The following RPAP2 variants were observed in gnomAD, a reference collection of about 807,000 sequenced individuals.
RPAP2 encodes RNA polymerase II associated protein 2.
In RPAP2, 52 loss-of-function variants were observed where a neutral mutation model predicts 73.1. The ratio of observed to expected loss-of-function variants is 0.71; its 90% CI spans 0.57 to 0.90. The LOEUF is 0.90. Ranked by LOEUF, RPAP2 falls within the 40% of genes least tolerant of loss-of-function variation. The pLI, the probability that RPAP2 is intolerant of heterozygous loss-of-function variation, is 0.00. For missense variants in RPAP2, 598 were observed against 701.8 expected, an observed-to-expected ratio of 0.85 and a Z score of 1.67; for synonymous variants, 225 against 242.1, an observed-to-expected ratio of 0.93 and a Z score of 0.65.
intron 12 of RPAP2, 38 bp from the exon 13 acceptor site, chr1:92,386,973 T>G: frequency 6.3e-7 from 1 of 1,575,408 alleles, no homozygotes; most frequent in Non-Finnish European, 8.7e-7. Context: ...GGCCTCCCAA[T>G]ACATGTTTTA....
At chr1:92,338,985 C>A (rs953588379) in intron 10 of RPAP2, among the ~76,000 whole-genome samples, 1 of 152,116 alleles carries the variant, frequency 6.6e-6, no homozygotes, top group African/African-American at 2.4e-5. Context: ...TCTGAGCAAA[C>A]CGATAAAGTT....
chr1:92,353,632 T>A (rs1035662398), intron 11 of RPAP2, among the ~76,000 whole-genome samples: 1 of 152,230 alleles, frequency 6.6e-6, no homozygotes, highest in African/African-American at 2.4e-5. Flanking sequence ...ATTTTTTGTT[T>A]CTTGCTTATA....
intron 6 of RPAP2, among the ~76,000 whole-genome samples, chr1:92,308,378 C>T (rs886934304): frequency 3.5e-4 from 54 of 152,280 alleles, no homozygotes; most frequent in African/African-American, 1.2e-3. Flanking sequence ...GCTAAGAGTA[C>T]TTTTTTACTT....
At chr1:92,386,370 A>AGTCTTG (rs1655863807) in intron 12 of RPAP2, among the ~76,000 whole-genome samples, 1 of 152,166 alleles carries the variant, frequency 6.6e-6, no homozygotes, top group African/African-American at 2.4e-5. Context: ...CCTTGGTGAG[A>AGTCTTG]GTCTTGAACT....
intron 9 of RPAP2, among the ~76,000 whole-genome samples, chr1:92,335,885 G>T (rs1653254265): frequency 6.6e-6 from 1 of 151,914 alleles, no homozygotes; most frequent in East Asian, 1.9e-4. Context: ...TTTTTTCATA[G>T]TAAAACTGTT....
In RPAP2 at chr1:92,345,379, TAAAAAAA is replaced by T. The variant is rs57025975; in HGVS notation, c.1620-451_1620-445del. Among the ~76,000 whole-genome samples, 291 of 73,760 alleles carry T rather than the reference TAAAAAAA, an allele frequency of 3.9e-3. 2 individuals carry two copies. Among genetic ancestry groups the T allele is most frequent in the South Asian group, 0.016 (26 of 1,582 alleles). 48.4% of individuals were successfully genotyped at this position (73,760 alleles called of 152,430 possible). A position where few individuals can be genotyped will look rare whatever the true frequency, so the allele number is the denominator to read the frequency against. ...GCAACATAGCAAGACCCCGTTTCTT[TAAAAAAA>T]AAAAAAAAAAAAAAAGAGAGAGAGA... On this transcript the variant is annotated intron_variant, in intron 10 of 12. Coordinates refer to ENST00000610020, the MANE Select transcript of RPAP2 (RefSeq NM_024813.3).
Position 92,336,402 on chromosome 1 carries a change from C to CTT in RPAP2, c.1595_1596dup (p.Lys533LeufsTer10). 1 of 1,608,824 alleles carries CTT rather than the reference C, an allele frequency of 6.2e-7. No homozygotes were observed. The highest frequency in any genetic ancestry group is 8.5e-7 in the Non-Finnish European group (1 of 1,176,004). On this transcript the variant is annotated frameshift_variant, in exon 10 of 13. Transcript: ENST00000610020. LOFTEE classifies it high-confidence loss of function. ...TACATTGGGAGATATTTACACACAA[C>CTT]TTAAAAATCTTGTTCGAACTTTCAG...
At chr1:92,375,959 C>T (rs1230753742) in intron 11 of RPAP2, among the ~76,000 whole-genome samples, 1 of 146,324 alleles carries the variant, frequency 6.8e-6, no homozygotes, top group African/African-American at 2.6e-5. Flanking sequence ...AAGATAGCGC[C>T]ATTGCACTCC....
rs1202528088 is a variant in RPAP2 at position 92,305,450 on chromosome 1, A to AAAAAAAAC, written c.399+1102_399+1103insAAAAAACA. Among the ~76,000 whole-genome samples, 21 of 141,908 alleles carry AAAAAAAAC rather than the reference A, an allele frequency of 1.5e-4. 1 individual carries two copies. Among genetic ancestry groups the AAAAAAAAC allele is most frequent in the African/African-American group, 6.2e-4 (21 of 33,834 alleles). The allele number at this position is 141,908 out of a possible 152,430, so 93.1% of individuals were successfully genotyped here. ...TCCGTCTCAAAAAAAAAAAAAAAAA[A>AAAAAAAAC]AGACAATATGGGAAGATATAAACTT... On this transcript the variant is annotated intron_variant, in intron 5 of 12. Transcript: ENST00000610020.
chr1:92,360,681 C>T (rs1405487084), intron 11 of RPAP2, among the ~76,000 whole-genome samples: 2 of 152,126 alleles, frequency 1.3e-5, no homozygotes, highest in African/African-American at 2.4e-5. Context: ...ATATCTGCAA[C>T]ATATTTCTCT....
At chr1:92,376,095 A>T (rs895926134) in intron 11 of RPAP2, among the ~76,000 whole-genome samples, 1 of 152,088 alleles carries the variant, frequency 6.6e-6, no homozygotes, top group African/African-American at 2.4e-5. Flanking sequence ...TTTTCCCCTT[A>T]AAAATACAGT....
chr1:92,398,487 G>GT lies in RPAP2; in HGVS notation c.*11477dup, dbSNP rs1246703538. 6.6e-6 allele frequency: 1 copy of GT among 152,160 alleles called. No individual in the cohort carries two copies. Among genetic ancestry groups the GT allele is most frequent in the African/African-American group, 2.4e-5 (1 of 41,432 alleles). The allele number at this position is 152,160 out of a possible 1,614,324, so 9.4% of individuals were successfully genotyped here. On this transcript the variant is annotated 3_prime_UTR_variant, in exon 13 of 13. Coordinates refer to ENST00000610020, the MANE Select transcript of RPAP2 (RefSeq NM_024813.3). ...CTCTAAAAAATTAACCTAGCCCAAGGTAAGTGGTACTATTCTGAAATCTGA... is the reference window on the plus strand; with the variant it reads ...CTCTAAAAAATTAACCTAGCCCAAGGTTAAGTGGTACTATTCTGAAATCTGA...
intron 11 of RPAP2, among the ~76,000 whole-genome samples, chr1:92,346,282 G>T (rs1170329255): frequency 6.6e-6 from 1 of 151,474 alleles, no homozygotes; most frequent in African/African-American, 2.4e-5. Flanking sequence ...TCCCACCTCA[G>T]CCTCTCTAGT....
chr1:92,397,826 G>A lies in RPAP2; in HGVS notation c.*10815G>A, dbSNP rs1161974472. 1 of 152,210 alleles carries A rather than the reference G, an allele frequency of 6.6e-6. No individual in the cohort carries two copies. The highest frequency in any genetic ancestry group is 6.5e-5 in the Admixed American group (1 of 15,272). The allele number at this position is 152,210 out of a possible 1,614,324, so 9.4% of individuals were successfully genotyped here. A position where few individuals can be genotyped will look rare whatever the true frequency, so the allele number is the denominator to read the frequency against. ...CTAAGCAAGTGCTCAAAAACAAAAG[G>A]ATAGAAGCATGTCAGACAGACACAG... On this transcript the variant is annotated 3_prime_UTR_variant, in exon 13 of 13. Coordinates refer to ENST00000610020, the MANE Select transcript of RPAP2 (RefSeq NM_024813.3).
chr1:92,320,611 T>C lies in RPAP2; in HGVS notation c.501T>C (p.Phe167=). 6.2e-7 allele frequency: 1 copy of C among 1,611,494 alleles called. No individual in the cohort carries two copies. Among genetic ancestry groups the C allele is most frequent in the Non-Finnish European group, 8.5e-7 (1 of 1,177,926 alleles). ...GTTCTTATTACAGGCATCCTGATTT[T>C]CAACTGCTAAAGGAAGAACAAAGGT... ...WVREEERHPD[F]QLLKEEQSGH... The change falls in exon 7 of 13, where the codon TTT becomes TTC. Residue 167 remains phenylalanine (F), a synonymous_variant. Transcript: ENST00000610020.
chr1:92,349,136 C>A (rs993869607), intron 11 of RPAP2, among the ~76,000 whole-genome samples: 1 of 152,168 alleles, frequency 6.6e-6, no homozygotes, highest in African/African-American at 2.4e-5. Context: ...CATCTACTCT[C>A]AAATTTCCAA....
intron 12 of RPAP2, among the ~76,000 whole-genome samples, chr1:92,382,837 C>T (rs1286315527): frequency 2.6e-5 from 4 of 151,974 alleles, no homozygotes; most frequent in African/African-American, 7.2e-5. Flanking sequence ...ACATGAAGTC[C>T]TTGCCCATGC....
intron 11 of RPAP2, among the ~76,000 whole-genome samples, chr1:92,350,452 T>C (rs1000324944): frequency 6.6e-6 from 1 of 152,188 alleles, no homozygotes; most frequent in African/African-American, 2.4e-5. Context: ...TTGGTTGTAA[T>C]TTTGCATCTT....
chr1:92,374,248 G>C (rs1655297167), intron 11 of RPAP2, among the ~76,000 whole-genome samples: 1 of 152,112 alleles, frequency 6.6e-6, no homozygotes, highest in African/African-American at 2.4e-5. Flanking sequence ...GGGAGGAAGT[G>C]ATCAGAAACA....
Sources: gnomAD v4.1 joint callset for allele counts (sites outside exome capture counted in the v4.1 genomes callset) on GRCh38, gnomAD v4.1.1 for gene constraint, MANE v1.5 for transcripts, NCBI Gene and HGNC (gene_info 2026-07-23, HGNC 2026-07-21) for gene names.